NUFIP1: variants seen among roughly 807,000 people sequenced by gnomAD.
NUFIP1 encodes the protein nuclear FMR1 interacting protein 1.
In NUFIP1, 38 loss-of-function variants were observed where a neutral mutation model predicts 56.2. That is an observed-to-expected ratio of 0.68 (90% confidence interval 0.52 to 0.89). The LOEUF is 0.89. NUFIP1 is among the 40% of genes least tolerant of loss of function. The pLI is 0.00. For synonymous variants in NUFIP1, 215 were observed against 212.4 expected (o/e 1.01, Z -0.10); for missense variants, 567 against 605.8 (o/e 0.94, Z 0.67).
intron 5 of NUFIP1, among the ~76,000 whole-genome samples, chr13:44,976,055 A>G (rs140737217): frequency 1.2e-4 from 18 of 152,292 alleles, no homozygotes; most frequent in African/African-American, 3.6e-4. Flanking sequence ...AGAATTAAAC[A>G]TTTATAAAAG....
chr13:44,984,709 ATTTTT>A lies in NUFIP1; in HGVS notation c.413-2560_413-2556del, dbSNP rs569334606. On this transcript the variant is annotated intron_variant, in intron 1 of 9. Transcript: ENST00000379161. ...CAGATTCAGTTTAATGCAGAATTGA[ATTTTT>A]TTTTATTATTATACTTTAAGTTTTA... is the stretch of plus-strand genomic sequence containing the variant. Among the ~76,000 whole-genome samples the A allele has an allele frequency of 4.8e-3, 728 of 151,936 alleles. 6 individuals are homozygous for A. Among genetic ancestry groups the A allele is most frequent in the African/African-American group, 0.017 (688 of 41,410 alleles).
At position 44,940,472 on chromosome 13, in the gene NUFIP1, A is replaced by G. The variant is rs1201262282; in HGVS notation, c.*734T>C. On this transcript the variant is annotated 3_prime_UTR_variant, in exon 10 of 10. Coordinates refer to ENST00000379161, the MANE Select transcript of NUFIP1 (RefSeq NM_012345.3). ...TTTTAGCTGTATGTCAAAAGGACAG[A>G]CCAATAGCTACAGCTAGTACAATGA... 6.6e-6 allele frequency: 1 copy of G among 152,280 alleles called. No individual in the cohort carries two copies. Among genetic ancestry groups the G allele is most frequent in the Non-Finnish European group, 1.5e-5 (1 of 68,050 alleles). The allele number at this position is 152,280 out of a possible 1,614,324, so 9.4% of individuals were successfully genotyped here. A position where few individuals can be genotyped will look rare whatever the true frequency, so the allele number is the denominator to read the frequency against.
At chr13:44,954,077 A>G (rs1189658855) in intron 7 of NUFIP1, among the ~76,000 whole-genome samples, 1 of 151,280 alleles carries the variant, frequency 6.6e-6, no homozygotes, top group Non-Finnish European at 1.5e-5. Flanking sequence ...AGGCATTTTT[A>G]GCACCTATAG....
At chr13:44,965,344 G>A (rs139471878) in intron 6 of NUFIP1, among the ~76,000 whole-genome samples, 161 of 152,272 alleles carry the variant, frequency 1.1e-3, no homozygotes, top group African/African-American at 3.7e-3. Context: ...GTCTTTATCA[G>A]CAGCGTGAAA....
chr13:44,988,991 T>C, intron 1 of NUFIP1, 34 bp downstream of exon 1: 1 of 1,607,792 alleles, frequency 6.2e-7, no homozygotes, highest in South Asian at 1.1e-5. Context: ...GGGAAAAAGG[T>C]AAAGGGGTCG....
chr13:44,980,703 G>T lies in NUFIP1; in HGVS notation c.594+19C>A. On this transcript the variant is annotated intron_variant, in intron 3 of 9. Coordinates refer to ENST00000379161, the MANE Select transcript of NUFIP1 (RefSeq NM_012345.3). ...AGCACAATTGCTACATCAGTTTCAG[G>T]ACAACTAAGAAAACCTACTTTTGTA... 6.6e-7 allele frequency: 1 copy of T among 1,504,154 alleles called. No individual in the cohort carries two copies. The highest frequency in any genetic ancestry group is 1.2e-5 in the South Asian group (1 of 83,458). 93.2% of individuals were successfully genotyped at this position (1,504,154 alleles called of 1,614,324 possible).
chr13:44,952,897 A>C (rs904807555), intron 7 of NUFIP1, among the ~76,000 whole-genome samples: 1 of 152,086 alleles, frequency 6.6e-6, no homozygotes, highest in Admixed American at 6.5e-5. Context: ...TTTTTCCTGA[A>C]CTTGATACTT....
chr13:44,981,436 G>GACCATTAGTCT (rs1376946858), intron 2 of NUFIP1, among the ~76,000 whole-genome samples: 1 of 152,132 alleles, frequency 6.6e-6, no homozygotes, highest in African/African-American at 2.4e-5. Flanking sequence ...GTCAATAGTA[G>GACCATTAGTCT]ACCATTAGTA....
intron 5 of NUFIP1, among the ~76,000 whole-genome samples, chr13:44,973,310 T>C (rs1289204849): frequency 6.6e-6 from 1 of 152,224 alleles, no homozygotes; most frequent in African/African-American, 2.4e-5. Flanking sequence ...TTAAGTACTA[T>C]TAGTTACACT....
rs1872128708 is a variant in NUFIP1, at chr13:44,979,950, G to A, written c.597C>T (p.Cys199=). The stretch of plus-strand genomic sequence containing the variant: ...CAGTAAAAGAGCAATCTAATTCAGG[G>A]CACTATGAGTTTTTAAAAGAAAAAA... The part of the protein sequence containing the change: ...YDKHMSEHTK[C]PELDCSFTAH... Residue 199 remains cysteine (C), a splice_region_variant and synonymous_variant, in exon 4 of 10, where the codon TGC becomes TGT. Transcript: ENST00000379161. 1 of 1,592,870 alleles carries A rather than the reference G, an allele frequency of 6.3e-7. No individual in the cohort carries two copies. The highest frequency in any genetic ancestry group is 8.5e-7 in the Non-Finnish European group (1 of 1,172,786).
At chr13:44,956,708 G>C (rs145582951) in intron 7 of NUFIP1, among the ~76,000 whole-genome samples, 5 of 152,258 alleles carry the variant, frequency 3.3e-5, no homozygotes, top group African/African-American at 1.2e-4. Context: ...CTGCTGATCT[G>C]ACAGGAGGCG....
intron 8 of NUFIP1, among the ~76,000 whole-genome samples, chr13:44,946,612 T>C (rs1870908988): frequency 6.6e-6 from 1 of 152,238 alleles, no homozygotes; most frequent in Non-Finnish European, 1.5e-5. Context: ...TGAGGGACAC[T>C]TTCCTTGTTT....
chr13:44,940,170 TGGA>T lies in NUFIP1; in HGVS notation c.*1033_*1035del, dbSNP rs1870684653. On this transcript the variant is annotated 3_prime_UTR_variant, in exon 10 of 10. Coordinates refer to ENST00000379161, the MANE Select transcript of NUFIP1 (RefSeq NM_012345.3). ...TAATTTCCCAAAATATGGGGCTCAC[TGGA>T]GGAGTAGGGTGAAACAGAATAAACA... 6.6e-6 allele frequency: 1 copy of T among 152,194 alleles called. No homozygotes were observed. The highest frequency in any genetic ancestry group is 1.5e-5 in the Non-Finnish European group (1 of 68,034). 9.4% of individuals were successfully genotyped at this position (152,194 alleles called of 1,614,324 possible).
intron 5 of NUFIP1, among the ~76,000 whole-genome samples, chr13:44,976,970 C>A (rs971019469): frequency 3.9e-5 from 6 of 152,092 alleles, no homozygotes; most frequent in African/African-American, 1.2e-4. Context: ...CCTTCATGAC[C>A]CATCACCTCC....
rs535934424 is a variant in NUFIP1, at chr13:44,978,881, C to T, written c.734+309G>A. ...AGATGTACTGTTCTGTGATAATACACTTCTGTATAATACACTTTTTGGTAA... is the reference window on the plus strand; with the variant it reads ...AGATGTACTGTTCTGTGATAATACATTTCTGTATAATACACTTTTTGGTAA... On this transcript the variant is annotated intron_variant, in intron 5 of 9. Coordinates refer to ENST00000379161, the MANE Select transcript of NUFIP1 (RefSeq NM_012345.3). 2.0e-5 allele frequency among the ~76,000 whole-genome samples: 3 copies of T among 152,124 alleles called. No individual in the cohort carries two copies. The South Asian group carries it at 6.2e-4, about 31-fold the overall frequency.
intron 5 of NUFIP1, among the ~76,000 whole-genome samples, chr13:44,977,215 T>G (rs1872010744): frequency 6.6e-6 from 1 of 152,260 alleles, no homozygotes; most frequent in Non-Finnish European, 1.5e-5. Context: ...CTAGGCACTG[T>G]GCAAAGCACA....
intron 2 of NUFIP1, 69 bp downstream of exon 2, chr13:44,982,003 C>T: frequency 1.3e-6 from 1 of 790,842 alleles, no homozygotes; most frequent in Non-Finnish European, 1.9e-6. Context: ...ACAGTTATGA[C>T]AGAAATGCAA....
intron 8 of NUFIP1, among the ~76,000 whole-genome samples, chr13:44,944,414 T>C (rs1005925958): frequency 1.3e-5 from 2 of 152,086 alleles, no homozygotes; most frequent in Non-Finnish European, 2.9e-5. Context: ...AGACAAAGAA[T>C]AACACCTAAG....
intron 6 of NUFIP1, among the ~76,000 whole-genome samples, chr13:44,962,821 T>C (rs2137906945): frequency 6.6e-6 from 1 of 152,310 alleles, no homozygotes; most frequent in South Asian, 2.1e-4. Context: ...AATGAAACTT[T>C]TCTATATTTA....
Sources: gnomAD v4.1 joint callset for allele counts (sites outside exome capture counted in the v4.1 genomes callset) on GRCh38, gnomAD v4.1.1 for gene constraint, MANE v1.5 for transcripts, NCBI Gene and HGNC (gene_info 2026-07-23, HGNC 2026-07-21) for gene names.